The following MRE11 variants were observed in gnomAD, a reference collection of about 807,000 sequenced individuals.
The protein encoded by MRE11 is MRE11 double strand break repair nuclease, also known as double-strand break repair protein MRE11.
In MRE11, 62 loss-of-function variants were observed where a neutral mutation model predicts 91.7. That is an observed-to-expected ratio of 0.68 (90% confidence interval 0.55 to 0.84). The LOEUF is 0.84. Ranked by LOEUF, MRE11 falls within the 40% of genes least tolerant of loss-of-function variation. The pLI, the probability that MRE11 is intolerant of heterozygous loss-of-function variation, is 0.00. For missense variants in MRE11, 796 were observed against 852.9 expected (o/e 0.93, Z 0.83); for synonymous variants, 273 against 271.4 (o/e 1.01, Z -0.06).
intron 8 of MRE11, among the ~76,000 whole-genome samples, chr11:94,471,135 A>C (rs1946698235): frequency 6.6e-6 from 1 of 152,076 alleles, no homozygotes; most frequent in Non-Finnish European, 1.5e-5. Context: ...ATAAAAATTG[A>C]GTTTAATCAC....
intron 15 of MRE11, among the ~76,000 whole-genome samples, chr11:94,446,515 G>A (rs1000010414): frequency 3.9e-5 from 6 of 152,172 alleles, no homozygotes; most frequent in Non-Finnish European, 7.3e-5. Flanking sequence ...TTCTCTCCCT[G>A]GAGATTTTAA....
chr11:94,506,240 G>A, the MRE11 span, among the ~76,000 whole-genome samples: 1 of 150,580 alleles, frequency 6.6e-6, no homozygotes, highest in Non-Finnish European at 1.5e-5. Context: ...TTATTACCTG[G>A]GTGATGAAAT....
At chr11:94,421,754 A>G (rs1016844413) in intron 19 of MRE11, among the ~76,000 whole-genome samples, 2 of 152,240 alleles carry the variant, frequency 1.3e-5, no homozygotes, top group East Asian at 1.9e-4. Context: ...CACAGGCTAC[A>G]ACGTAGATAA....
chr11:94,511,181 C>A, the MRE11 span, among the ~76,000 whole-genome samples: 416 of 151,518 alleles, frequency 2.7e-3, 2 homozygotes, highest in African/African-American at 9.7e-3. Context: ...CTCGCTCTCT[C>A]TCTATATATA....
At chr11:94,487,142 G>A (rs1236555825) in intron 3 of MRE11, among the ~76,000 whole-genome samples, 1 of 152,106 alleles carries the variant, frequency 6.6e-6, no homozygotes, top group Admixed American at 6.5e-5. Context: ...TTGCTTAATG[G>A]GTGTCATTTT....
At position 94,415,871 on chromosome 11, in the gene MRE11, C is replaced by T. The variant is rs11020774; in HGVS notation, c.*4254G>A. On this transcript the variant is annotated 3_prime_UTR_variant, in exon 20 of 20. Coordinates refer to ENST00000323929, the MANE Select transcript of MRE11 (RefSeq NM_005591.4). ...TGTTGCCCAGGCTGGAGTGCAATGGCGTGATATCAGCTCACCGTGACCTCC... is the reference window on the plus strand; with the variant it reads ...TGTTGCCCAGGCTGGAGTGCAATGGTGTGATATCAGCTCACCGTGACCTCC... 41,622 of 152,186 alleles carry T rather than the reference C, an allele frequency of 0.27. 6,388 individuals carry two copies. Among genetic ancestry groups the T allele is most frequent in the Non-Finnish European group, 0.34 (23,079 of 68,084 alleles). The allele number at this position is 152,186 out of a possible 1,614,324, so 9.4% of individuals were successfully genotyped here.
At chr11:94,507,168 T>G in the MRE11 span, among the ~76,000 whole-genome samples, 3 of 152,214 alleles carry the variant, frequency 2.0e-5, no homozygotes, top group Non-Finnish European at 4.4e-5. Context: ...CAAAGGTAAC[T>G]ATAATCTAAC....
intron 5 of MRE11, 53 bp from the exon 6 acceptor site, chr11:94,478,929 G>A (rs1591707451): frequency 3.8e-6 from 6 of 1,572,798 alleles, no homozygotes; most frequent in East Asian, 4.5e-5. Flanking sequence ...GTAGGTATCT[G>A]CATGAATATC....
At chr11:94,426,325 TAAAAA>T (rs891996204) in intron 19 of MRE11, among the ~76,000 whole-genome samples, 16 of 151,606 alleles carry the variant, frequency 1.1e-4, no homozygotes, top group African/African-American at 3.9e-4. Context: ...TTAATGAAAA[TAAAAA>T]TAGAATCACA....
intron 19 of MRE11, among the ~76,000 whole-genome samples, chr11:94,428,324 TA>T (rs1394606191): frequency 6.6e-6 from 1 of 152,308 alleles, no homozygotes; most frequent in East Asian, 1.9e-4. Flanking sequence ...GGTGCTAGGA[TA>T]ACCGGCTAGC....
intron 10 of MRE11, chr11:94,466,657 T>C: frequency 2.9e-6 from 1 of 348,616 alleles, no homozygotes. Context: ...TCAGGAAGTC[T>C]GGCTCTACAC....
At chr11:94,446,564 T>C (rs1467104847) in intron 15 of MRE11, among the ~76,000 whole-genome samples, 1 of 152,206 alleles carries the variant, frequency 6.6e-6, no homozygotes, top group Non-Finnish European at 1.5e-5. Flanking sequence ...AAAATTCCTA[T>C]GGATGCATAT....
chr11:94,490,966 C>CT lies in MRE11; in HGVS notation c.21-2dup. The CT allele has an allele frequency of 7.1e-7, 1 of 1,417,750 alleles. No homozygotes were observed. The highest frequency in any genetic ancestry group is 9.9e-7 in the Non-Finnish European group (1 of 1,006,750). The allele number at this position is 1,417,750 out of a possible 1,614,324, so 87.8% of individuals were successfully genotyped here. On this transcript the variant is annotated splice_acceptor_variant, in intron 2 of 19. Transcript: ENST00000323929. LOFTEE classifies it high-confidence loss of function. ...TATTTTAAATGTGTTTTCATCATCACTATATTAAGAAAGAAGAAACATTTC... is the reference window on the plus strand; with the variant it reads ...TATTTTAAATGTGTTTTCATCATCACTTATATTAAGAAAGAAGAAACATTTC...
chr11:94,495,007 T>A (rs1033097779), upstream of MRE11, among the ~76,000 whole-genome samples: 4 of 152,180 alleles, frequency 2.6e-5, no homozygotes, highest in Non-Finnish European at 4.4e-5. Flanking sequence ...TGGATATCTC[T>A]GATTCCAAGG....
At chr11:94,441,845 T>G (rs1945786525) in intron 16 of MRE11, among the ~76,000 whole-genome samples, 1 of 151,606 alleles carries the variant, frequency 6.6e-6, no homozygotes. Flanking sequence ...GGTGTGGTAG[T>G]GCACATCTGT....
intron 1 of MRE11, chr11:94,493,521 G>A (rs1448069114): frequency 6.6e-6 from 1 of 152,140 alleles, no homozygotes; most frequent in Non-Finnish European, 1.5e-5. Context: ...GGGATTCCAA[G>A]CCTCAACACG....
intron 1 of MRE11, 29 bp from the exon 2 acceptor site, chr11:94,492,935 A>G: frequency 1.2e-6 from 1 of 813,892 alleles, no homozygotes; most frequent in Non-Finnish European, 2.1e-6. Context: ...CATAAAACAC[A>G]TTTTTTAAAA....
In MRE11 at chr11:94,429,930, ACCC is replaced by A; in HGVS notation, c.2048_2050del (p.Gly683del). ...ATTTACCTCACTTGATTCAAAATCA[ACCC>A]CTTTCGATACTTGACTCTGGGACAT... is the stretch of plus-strand genomic sequence containing the variant. On this transcript the variant is annotated inframe_deletion, in exon 19 of 20. Coordinates refer to ENST00000323929, the MANE Select transcript of MRE11 (RefSeq NM_005591.4). 6.2e-7 allele frequency: 1 copy of A among 1,613,364 alleles called. No individual in the cohort carries two copies. Among genetic ancestry groups the A allele is most frequent in the South Asian group, 1.1e-5 (1 of 90,992 alleles).
chr11:94,420,128 T>C lies in MRE11; in HGVS notation c.2124A>G (p.Arg708=), dbSNP rs138017560. The stretch of plus-strand genomic sequence containing the variant: ...TTTCTCAGTGCCATTAAATATATTA[T>C]CTTCTATTTCTTCTTAAAGAACTAG... ...MNTSSLRRNR[R] is the part of the protein sequence containing the mutation. Residue 708 remains arginine, a synonymous_variant, in exon 20 of 20, where the codon AGA becomes AGG. Transcript: ENST00000323929. The C allele has an allele frequency of 1.9e-6, 3 of 1,564,452 alleles. No individual in the cohort carries two copies. Among genetic ancestry groups the C allele is most frequent in the East Asian group, 4.5e-5 (2 of 44,396 alleles).
Sources: gnomAD v4.1 joint callset for allele counts (sites outside exome capture counted in the v4.1 genomes callset) on GRCh38, gnomAD v4.1.1 for gene constraint, MANE v1.5 for transcripts, NCBI Gene and HGNC (gene_info 2026-07-23, HGNC 2026-07-21) for gene names.